The following MBTD1 variants were observed in gnomAD, a reference collection of about 807,000 sequenced individuals.
MBTD1 encodes MBT domain-containing protein 1.
MBTD1 carries 24 observed loss-of-function variants against 87.8 expected under a neutral mutation model. The ratio of observed to expected loss-of-function variants is 0.27; its 90% CI spans 0.20 to 0.38. The LOEUF is 0.38. MBTD1 is among the 10% of genes least tolerant of loss of function. MBTD1 has a pLI of 1.00. For synonymous variants in MBTD1, 237 were observed against 248.6 expected (o/e 0.95, Z 0.44); for missense variants, 436 against 760.2 (o/e 0.57, Z 5.02).
chr17:51,248,591 ATTT>A (rs1296099774), intron 2 of MBTD1, among the ~76,000 whole-genome samples: 1 of 152,146 alleles, frequency 6.6e-6, no homozygotes, highest in Admixed American at 6.5e-5. Flanking sequence ...TTTTGTATAT[ATTT>A]AAGATTTTAT....
chr17:51,255,858 A>C (rs1012796868), intron 2 of MBTD1, among the ~76,000 whole-genome samples: 1 of 152,166 alleles, frequency 6.6e-6, no homozygotes, highest in Non-Finnish European at 1.5e-5. Flanking sequence ...CTGGGCTCTC[A>C]AAGTATTGGG....
intron 2 of MBTD1, among the ~76,000 whole-genome samples, chr17:51,246,933 C>T (rs1394063694): frequency 6.6e-6 from 1 of 152,226 alleles, no homozygotes; most frequent in East Asian, 1.9e-4. Flanking sequence ...AGTCACTGCA[C>T]CTGGCCATTT....
At chr17:51,227,720 C>T (rs1428229361) in intron 2 of MBTD1, among the ~76,000 whole-genome samples, 5 of 151,990 alleles carry the variant, frequency 3.3e-5, no homozygotes, top group Admixed American at 6.6e-5. Flanking sequence ...GAGGCTGAGG[C>T]GGGGAGATCA....
Position 51,205,300 on chromosome 17 carries a change from A to G in MBTD1, c.605-1375T>C, listed in dbSNP as rs575442724. On this transcript the variant is annotated intron_variant, in intron 7 of 16. Transcript: ENST00000586178. ...GGTTAACATTAGGCTCACTTCTACA[A>G]TGGCATTAAAGTGGCTTAAAAGAAG... Among the ~76,000 whole-genome samples the G allele has an allele frequency of 2.6e-3, 389 of 152,334 alleles. 1 individual carries two copies. The highest frequency in any genetic ancestry group is 9.0e-3 in the African/African-American group (374 of 41,588).
At chr17:51,234,569 C>A (rs1568218013) in intron 2 of MBTD1, among the ~76,000 whole-genome samples, 1 of 152,082 alleles carries the variant, frequency 6.6e-6, no homozygotes, top group Non-Finnish European at 1.5e-5. Context: ...AGAAACATAC[C>A]TGAATAATCC....
chr17:51,189,888 A>C (rs145358891), intron 16 of MBTD1, among the ~76,000 whole-genome samples: 24 of 152,268 alleles, frequency 1.6e-4, no homozygotes, highest in African/African-American at 5.8e-4. Context: ...AATGCTCCCT[A>C]AAGTTCTTTT....
At chr17:51,211,493 G>C (rs2052211074) in intron 6 of MBTD1, among the ~76,000 whole-genome samples, 1 of 137,190 alleles carries the variant, frequency 7.3e-6, no homozygotes, top group Admixed American at 7.5e-5. Flanking sequence ...GGCAACAGGA[G>C]TGAGACTGTT....
At chr17:51,239,323 A>G (rs1020861316) in intron 2 of MBTD1, among the ~76,000 whole-genome samples, 14 of 152,172 alleles carry the variant, frequency 9.2e-5, no homozygotes, top group Admixed American at 9.2e-4. Flanking sequence ...TTATATGATC[A>G]TGTCCTTTAT....
At chr17:51,205,119 A>G (rs1373131200) in intron 7 of MBTD1, among the ~76,000 whole-genome samples, 3 of 152,218 alleles carry the variant, frequency 2.0e-5, no homozygotes, top group Admixed American at 2.0e-4. Context: ...ATGAAACAGA[A>G]AAAGGCCAAT....
chr17:51,235,900 T>C (rs1056485272), intron 2 of MBTD1, among the ~76,000 whole-genome samples: 3 of 152,134 alleles, frequency 2.0e-5, no homozygotes, highest in African/African-American at 2.4e-5. Flanking sequence ...CTCCAAGATA[T>C]ATTATAAAGC....
intron 8 of MBTD1, 23 bp from the exon 9 acceptor site, chr17:51,203,251 T>C: frequency 2.4e-6 from 3 of 1,266,070 alleles, no homozygotes; most frequent in Non-Finnish European, 3.3e-6. Flanking sequence ...AAATAATCAG[T>C]TATACTTTAG....
At chr17:51,260,589 C>T (rs530127984), upstream of MBTD1, 27 of 1,611,884 alleles carry the variant, frequency 1.7e-5, no homozygotes, top group African/African-American at 1.7e-4. Flanking sequence ...CTAACGATGC[C>T]GCCGGAGCGG....
At chr17:51,217,531 C>A (rs1047902020) in intron 5 of MBTD1, 115 bp from the exon 6 acceptor site, 3 of 544,558 alleles carry the variant, frequency 5.5e-6, no homozygotes, top group South Asian at 2.9e-5. Flanking sequence ...ATTTAAAGAA[C>A]GTTTTCTTTA....
intron 2 of MBTD1, among the ~76,000 whole-genome samples, chr17:51,231,565 T>A (rs2143832596): frequency 6.6e-6 from 1 of 152,294 alleles, no homozygotes; most frequent in Middle Eastern, 3.4e-3. Context: ...CAGTATGCAG[T>A]CTTTTCTAGA....
Position 51,192,289 on chromosome 17 carries a change from TAAA to T in MBTD1, c.1691-12_1691-10del, listed in dbSNP as rs1198350021. ...TTGGTTTTCTCTTGATGCTGAAAAA[TAAA>T]AAGGGAAAATTGGTACTAGATAATT... On this transcript the variant is annotated splice_polypyrimidine_tract_variant and intron_variant, in intron 15 of 16. Transcript: ENST00000586178. The T allele has an allele frequency of 6.5e-7, 1 of 1,543,452 alleles. No individual in the cohort carries two copies.
intron 12 of MBTD1, among the ~76,000 whole-genome samples, chr17:51,200,468 T>C (rs771379528): frequency 2.8e-5 from 4 of 144,718 alleles, no homozygotes; most frequent in Non-Finnish European, 5.9e-5. Flanking sequence ...CTCAGGAAGC[T>C]GAAGTGGGAG....
At chr17:51,229,553 G>A (rs910240998) in intron 2 of MBTD1, among the ~76,000 whole-genome samples, 4 of 151,792 alleles carry the variant, frequency 2.6e-5, no homozygotes, top group Admixed American at 6.6e-5. Context: ...TACAAAAACT[G>A]ATTTCTTAGT....
chr17:51,203,255 A>G (rs765062204), intron 8 of MBTD1, 27 bp from the exon 9 acceptor site: 10 of 1,209,898 alleles, frequency 8.3e-6, no homozygotes, highest in Non-Finnish European at 1.1e-5. Flanking sequence ...AATCAGTTAT[A>G]CTTTAGCAAA....
chr17:51,212,651 A>AG (rs1301026375), intron 6 of MBTD1, among the ~76,000 whole-genome samples: 2 of 1,576 alleles, frequency 1.3e-3, no homozygotes, highest in Non-Finnish European at 3.6e-3. Context: ...TACAATACCC[A>AG]GGAAAAAAAA....
Sources: gnomAD v4.1 joint callset for allele counts (sites outside exome capture counted in the v4.1 genomes callset) on GRCh38, gnomAD v4.1.1 for gene constraint, MANE v1.5 for transcripts, NCBI Gene and HGNC (gene_info 2026-07-23, HGNC 2026-07-21) for gene names.